Variants in AIM2 observed in about 807,000 individuals in gnomAD.
AIM2 encodes absent in melanoma 2.
AIM2 carries 30 observed loss-of-function variants against 27.7 expected under a neutral mutation model. The observed-to-expected ratio is 1.08, with a 90% CI of 0.81 to 1.47. AIM2 has a LOEUF of 1.47. Ranked by LOEUF, AIM2 falls within the 40% of genes most tolerant of loss-of-function variation. The pLI is 0.00. For missense variants in AIM2, 358 were observed against 411.3 expected, an observed-to-expected ratio of 0.87 and a Z score of 1.12; for synonymous variants, 141 against 145.3, an observed-to-expected ratio of 0.97 and a Z score of 0.21.
intron 1 of AIM2, among the ~76,000 whole-genome samples, chr1:159,130,725 C>T (rs1254285803): frequency 6.6e-6 from 1 of 151,970 alleles, no homozygotes; most frequent in Non-Finnish European, 1.5e-5. Context: ...CCTAGCTTCC[C>T]TTCAGTCTTT....
upstream of AIM2, chr1:159,081,200 C>A: frequency 4.3e-6 from 1 of 230,958 alleles, no homozygotes. Flanking sequence ...ATTTGCCCCC[C>A]TTCATTCTAA....
intron 1 of AIM2, among the ~76,000 whole-genome samples, chr1:159,088,961 CA>C (rs1656985590): frequency 6.6e-6 from 1 of 152,212 alleles, no homozygotes; most frequent in Non-Finnish European, 1.5e-5. Context: ...TGGACTGAAA[CA>C]ATGACTAAGA....
rs567108525 is a variant in AIM2 at position 159,131,001 on chromosome 1, C to A, written c.-16+9430G>T. Among the ~76,000 whole-genome samples the A allele has an allele frequency of 2.1e-4, 32 of 152,290 alleles. No individual in the cohort carries two copies. The South Asian group carries it at 4.8e-3, about 23-fold the overall frequency. On this transcript the variant is annotated intron_variant, in intron 1 of 2. Transcript: ENST00000368129. ...GTGCTTTTTTTCTCTCCTTCCTTCACAGCTTAATGCCACTTCTTCCAGGAA... is the reference window on the plus strand; with the variant it reads ...GTGCTTTTTTTCTCTCCTTCCTTCAAAGCTTAATGCCACTTCTTCCAGGAA...
intron 1 of AIM2, among the ~76,000 whole-genome samples, chr1:159,116,011 A>G (rs1647337647): frequency 1.3e-5 from 2 of 152,232 alleles, no homozygotes; most frequent in Admixed American, 1.3e-4. Flanking sequence ...CCCCATCAAT[A>G]AGTGGACAAA....
chr1:159,118,926 G>C (rs1647456793), intron 1 of AIM2, among the ~76,000 whole-genome samples: 1 of 152,044 alleles, frequency 6.6e-6, no homozygotes, highest in Admixed American at 6.5e-5. Context: ...CGGAATCTTA[G>C]TTGCATATAA....
chr1:159,139,214 C>T (rs972771486), intron 1 of AIM2, among the ~76,000 whole-genome samples: 1 of 152,172 alleles, frequency 6.6e-6, no homozygotes, highest in Non-Finnish European at 1.5e-5. Flanking sequence ...GATAAAGTCT[C>T]CTATCTAAGG....
intron 4 of AIM2, 149 bp from the exon 5 acceptor site, chr1:159,063,823 T>C (rs1655960129): frequency 1.2e-6 from 1 of 835,180 alleles, no homozygotes. Flanking sequence ...TCCATTTATA[T>C]GGGAATTTTC....
At chr1:159,095,956 ATATATTAAATCTCAATAAAATT>A (rs1557902913) in intron 1 of AIM2, among the ~76,000 whole-genome samples, 1 of 152,224 alleles carries the variant, frequency 6.6e-6, no homozygotes, top group Non-Finnish European at 1.5e-5. Flanking sequence ...CTAGGGTCTC[ATATATTAAATCTCAATAAAATT>A]TGAGACATCA....
upstream of AIM2, chr1:159,081,626 C>T (rs1391264479): frequency 5.7e-6 from 2 of 348,102 alleles, no homozygotes; most frequent in East Asian, 1.7e-4. Context: ...CCAAGGGTCA[C>T]CATAACCTTG....
At chr1:159,138,943 G>A (rs1648062646) in intron 1 of AIM2, among the ~76,000 whole-genome samples, 1 of 152,206 alleles carries the variant, frequency 6.6e-6, no homozygotes, top group South Asian at 2.1e-4. Flanking sequence ...TACATTCTGA[G>A]TATCTTTAAA....
At chr1:159,101,100 C>T (rs1246781428) in intron 1 of AIM2, among the ~76,000 whole-genome samples, 2 of 152,150 alleles carry the variant, frequency 1.3e-5, no homozygotes, top group Non-Finnish European at 2.9e-5. Context: ...TGTGTCCCCA[C>T]CCAAGACTCA....
chr1:159,086,122 C>T (rs1252640175), intron 1 of AIM2, among the ~76,000 whole-genome samples: 2 of 152,112 alleles, frequency 1.3e-5, no homozygotes, highest in Non-Finnish European at 2.9e-5. Context: ...AGGAAACATC[C>T]AACAGATAAT....
upstream of AIM2, among the ~76,000 whole-genome samples, chr1:159,078,893 G>A (rs999689832): frequency 1.4e-4 from 21 of 152,124 alleles, no homozygotes; most frequent in African/African-American, 4.3e-4. Context: ...AACTCTCACC[G>A]TTACTGACAT....
At chr1:159,128,595 C>T (rs1025412674) in intron 1 of AIM2, among the ~76,000 whole-genome samples, 1 of 152,128 alleles carries the variant, frequency 6.6e-6, no homozygotes, top group African/African-American at 2.4e-5. Flanking sequence ...AGCCACTTGC[C>T]AGTATCCTAA....
At chr1:159,101,226 A>G (rs1183541725) in intron 1 of AIM2, among the ~76,000 whole-genome samples, 2 of 152,100 alleles carry the variant, frequency 1.3e-5, no homozygotes, top group Non-Finnish European at 2.9e-5. Context: ...TTCCCATGAT[A>G]TCGAGTGGGT....
intron 1 of AIM2, among the ~76,000 whole-genome samples, chr1:159,084,666 G>T (rs374902446): frequency 1.3e-5 from 2 of 151,914 alleles, no homozygotes; most frequent in East Asian, 3.9e-4. Flanking sequence ...CCAATTACTT[G>T]GGAGGTTGAG....
At chr1:159,123,869 A>G (rs1304616946) in intron 1 of AIM2, among the ~76,000 whole-genome samples, 1 of 152,212 alleles carries the variant, frequency 6.6e-6, no homozygotes, top group African/African-American at 2.4e-5. Flanking sequence ...TATAAACAAG[A>G]TAACAGTAGA....
chr1:159,099,890 A>T (rs1275472883), intron 1 of AIM2, among the ~76,000 whole-genome samples: 1 of 152,218 alleles, frequency 6.6e-6, no homozygotes, highest in Non-Finnish European at 1.5e-5. Context: ...CATTGGCTTT[A>T]ATAACTGCCT....
chr1:159,145,444 T>C (rs1648184479), upstream of AIM2, among the ~76,000 whole-genome samples: 2 of 152,202 alleles, frequency 1.3e-5, no homozygotes, highest in South Asian at 4.1e-4. Flanking sequence ...CTCAGTCCCC[T>C]TTCTCATACT....
Sources: allele counts gnomAD v4.1 joint callset (sites outside exome capture counted in the v4.1 genomes callset), GRCh38; gene constraint gnomAD v4.1.1; transcripts MANE v1.5; gene names NCBI Gene and HGNC (gene_info 2026-07-23, HGNC 2026-07-21).